The following MPP3 variants were observed in gnomAD, a reference collection of about 807,000 sequenced individuals.
MPP3 encodes MAGUK p55 scaffold protein 3, also known as MAGUK p55 subfamily member 3.
MPP3 carries 48 observed loss-of-function variants against 80.7 expected under a neutral mutation model. That is an observed-to-expected ratio of 0.59 (90% confidence interval 0.47 to 0.76). The LOEUF (loss-of-function observed/expected upper bound fraction) is 0.76, where lower values mean the gene tolerates loss of function less well. Ranked by LOEUF, MPP3 falls within the 30% of genes least tolerant of loss-of-function variation. MPP3 has a pLI of 0.00. For missense variants in MPP3, 620 were observed against 763.0 expected (o/e 0.81, Z 2.21); for synonymous variants, 311 against 297.6 (o/e 1.04, Z -0.46).
intron 19 of MPP3, among the ~76,000 whole-genome samples, chr17:43,806,688 C>G (rs549709550): frequency 6.6e-6 from 1 of 151,654 alleles, no homozygotes; most frequent in Non-Finnish European, 1.5e-5. Flanking sequence ...CGGCTCATTG[C>G]AACCTCTGCC....
intron 10 of MPP3, among the ~76,000 whole-genome samples, chr17:43,823,507 A>T (rs535775408): frequency 1.4e-4 from 21 of 152,284 alleles, no homozygotes; most frequent in Non-Finnish European, 2.8e-4. Context: ...CTGCACCAGG[A>T]AGCCTTGCAG....
At position 43,816,689 on chromosome 17, in the gene MPP3, G is replaced by C. The variant is rs1371878435; in HGVS notation, c.955C>G (p.Pro319Ala). 6.3e-7 allele frequency: 1 copy of C among 1,577,364 alleles called. No homozygotes were observed. Among genetic ancestry groups the C allele is most frequent in the Admixed American group, 1.8e-5 (1 of 54,790 alleles). The change falls in exon 13 of 20, where the codon CCT becomes GCT. Residue 319 changes from proline to alanine, a missense_variant. By Grantham distance (27) the Pro-to-Ala change is conservative. Coordinates refer to ENST00000398389, the MANE Select transcript of MPP3 (RefSeq NM_001932.6). ...QSLRKPPYDQ[P>A]CDKETCDCEG... ...ATACTGGGCCTACCTTTGTCACAAG[G>C]CTGATCATCTGCGGTTTGCACAAAA...
chr17:43,828,289 A>G (rs767180397), intron 7 of MPP3, among the ~76,000 whole-genome samples: 2 of 152,196 alleles, frequency 1.3e-5, no homozygotes, highest in Admixed American at 6.5e-5. Flanking sequence ...AGGGAAACCA[A>G]TTATGCACCC....
chr17:43,814,039 G>A lies in MPP3; in HGVS notation c.1227C>T (p.Asn409=), dbSNP rs1045980247. Residue 409 remains asparagine (N), a synonymous_variant, in exon 16 of 20, where the codon AAC becomes AAT. Transcript: ENST00000398389. ...HELKQKVVAE[N]PQHFGVAVPH... is the part of the protein sequence containing the mutation. Reference sequence around the variant, plus strand: ...GAACAGCGACGCCAAAGTGCTGTGGGTTCTCAGCCACCACCTTTTGCTTCA... The same window carrying A: ...GAACAGCGACGCCAAAGTGCTGTGGATTCTCAGCCACCACCTTTTGCTTCA... 1 of 1,613,476 alleles carries A rather than the reference G, an allele frequency of 6.2e-7. No individual in the cohort carries two copies. The highest frequency in any genetic ancestry group is 8.5e-7 in the Non-Finnish European group (1 of 1,179,588).
chr17:43,814,373 G>C lies in MPP3; in HGVS notation c.1010-12C>G. The C allele has an allele frequency of 6.3e-7, 1 of 1,588,220 alleles. No individual in the cohort carries two copies. Among genetic ancestry groups the C allele is most frequent in the Non-Finnish European group, 8.5e-7 (1 of 1,172,774 alleles). Reference sequence around the variant, plus strand: ...CCTCCGAAGACCAGCTTGGGAGGAGGGGCAGAGGGACACCATGGCATTTGT... The same window carrying C: ...CCTCCGAAGACCAGCTTGGGAGGAGCGGCAGAGGGACACCATGGCATTTGT... On this transcript the variant is annotated splice_polypyrimidine_tract_variant and intron_variant, in intron 14 of 19. Coordinates refer to ENST00000398389, the MANE Select transcript of MPP3 (RefSeq NM_001932.6).
intron 14 of MPP3, among the ~76,000 whole-genome samples, chr17:43,815,370 AAGG>A (rs751460094): frequency 6.6e-6 from 1 of 152,056 alleles, no homozygotes; most frequent in Non-Finnish European, 1.5e-5. Flanking sequence ...ACTTTTTAGA[AAGG>A]AGGATTGCTT....
chr17:43,829,926 G>T (rs773473892), intron 6 of MPP3, 101 bp downstream of exon 6: 2 of 1,528,944 alleles, frequency 1.3e-6, no homozygotes, highest in South Asian at 2.3e-5. Flanking sequence ...GCTGAGGATC[G>T]CTCCCTCAGT....
Position 43,829,771 on chromosome 17 carries a change from G to T in MPP3, c.324C>A (p.Asp108Glu), listed in dbSNP as rs2045876785. ...PHLRAVLMVH[D>E]TVAQKNFDPV... is the part of the protein sequence containing the mutation. ...GGTCAAAATTCTTCTGGGCAACCGTGTCATGTACCATGAGCACAGCCTGCC... is the reference window on the plus strand; with the variant it reads ...GGTCAAAATTCTTCTGGGCAACCGTTTCATGTACCATGAGCACAGCCTGCC... The change falls in exon 7 of 20, where the codon GAC (aspartate) becomes GAA (glutamate). Residue 108 changes from aspartate to glutamate, a missense_variant. Transcript: ENST00000398389. 1 of 1,613,736 alleles carries T rather than the reference G, an allele frequency of 6.2e-7. No homozygotes were observed. The highest frequency in any genetic ancestry group is 8.5e-7 in the Non-Finnish European group (1 of 1,180,012).
At chr17:43,812,748 T>TG (rs370241053) in intron 16 of MPP3, among the ~76,000 whole-genome samples, 1 of 151,734 alleles carries the variant, frequency 6.6e-6, no homozygotes, top group African/African-American at 2.4e-5. Flanking sequence ...CTCCAGGGGG[T>TG]GGATCCAAGG....
chr17:43,818,098 G>T lies in MPP3; in HGVS notation c.894C>A (p.Tyr298Ter). Residue 298 changes from tyrosine to a stop codon, truncating the protein, a stop_gained, in exon 12 of 20, where the codon TAC (tyrosine) becomes TAA (stop). Coordinates refer to ENST00000398389, the MANE Select transcript of MPP3 (RefSeq NM_001932.6). LOFTEE classifies it high-confidence loss of function. ...TCGGCAGGGTGCCCGCGGCTCTCCG[G>T]TAGCTTAGTCGTCTGCAGGGACACA... is the stretch of plus-strand genomic sequence containing the variant. ...SKGFQERRLSYRRAAGTLPSP... is the reference protein window; with the variant it reads ...SKGFQERRLS The T allele has an allele frequency of 6.4e-7, 1 of 1,564,844 alleles. No homozygotes were observed. The highest frequency in any genetic ancestry group is 8.7e-7 in the Non-Finnish European group (1 of 1,153,820).
intron 16 of MPP3, 23 bp downstream of exon 16, chr17:43,813,988 C>T (rs769484444): frequency 1.3e-6 from 2 of 1,577,328 alleles, no homozygotes; most frequent in East Asian, 2.2e-5. Flanking sequence ...GACAAACACA[C>T]ACTCCCACAT....
chr17:43,811,250 C>A, intron 16 of MPP3, 45 bp from the exon 17 acceptor site: 1 of 1,474,970 alleles, frequency 6.8e-7, no homozygotes, highest in Non-Finnish European at 9.5e-7. Context: ...TGTCACATCA[C>A]AGCACGCAGG....
intron 13 of MPP3, 86 bp from the exon 14 acceptor site, chr17:43,816,165 G>A (rs1248628670): frequency 5.0e-6 from 6 of 1,207,134 alleles, no homozygotes; most frequent in Non-Finnish European, 5.7e-6. Flanking sequence ...TGGCCAGGCA[G>A]GAAGAGCCCC....
At chr17:43,831,213 C>A (rs1329270179) in intron 5 of MPP3, 31 bp downstream of exon 5, 1 of 1,609,004 alleles carries the variant, frequency 6.2e-7, no homozygotes, top group South Asian at 1.1e-5. Context: ...GGGAGTGGGG[C>A]AGACACTGTA....
chr17:43,811,179 C>CA lies in MPP3; in HGVS notation c.1281dup (p.Glu428Ter). ...AAGTGATATTCCACTCCTTCCTTCTCATGGCTCTTTCGGGGCCTGGTGGTA... is the reference window on the plus strand; with the variant it reads ...AAGTGATATTCCACTCCTTCCTTCTCAATGGCTCTTTCGGGGCCTGGTGGTA... On this transcript the variant is annotated frameshift_variant, in exon 17 of 20. Coordinates refer to ENST00000398389, the MANE Select transcript of MPP3 (RefSeq NM_001932.6). LOFTEE classifies it high-confidence loss of function. 2 of 1,614,142 alleles carry CA rather than the reference C, an allele frequency of 1.2e-6. No homozygotes were observed. Among genetic ancestry groups the CA allele is most frequent in the Non-Finnish European group, 1.7e-6 (2 of 1,179,968 alleles).
intron 2 of MPP3, 182 bp from the exon 3 acceptor site, chr17:43,832,125 G>C: frequency 1.7e-6 from 1 of 603,970 alleles, no homozygotes; most frequent in African/African-American, 1.9e-5. Flanking sequence ...GAGTGTCCTC[G>C]ATGTGCCAAG....
chr17:43,816,780 G>A (rs1383446860), intron 12 of MPP3, 83 bp from the exon 13 acceptor site: 4 of 1,349,202 alleles, frequency 3.0e-6, no homozygotes, highest in Non-Finnish European at 4.2e-6. Flanking sequence ...CACGGCCCGA[G>A]TGCCTGAGGA....
chr17:43,801,679 G>C lies in MPP3; in HGVS notation c.*22C>G. 1 of 1,612,610 alleles carries C rather than the reference G, an allele frequency of 6.2e-7. No individual in the cohort carries two copies. The highest frequency in any genetic ancestry group is 8.5e-7 in the Non-Finnish European group (1 of 1,178,740). Reference sequence around the variant, plus strand: ...TAGATGATCTTCAAGGTCCCGTCCAGCTTGGATGTTCTGGGATAAAGTTAC... The same window carrying C: ...TAGATGATCTTCAAGGTCCCGTCCACCTTGGATGTTCTGGGATAAAGTTAC... On this transcript the variant is annotated 3_prime_UTR_variant, in exon 20 of 20. Transcript: ENST00000398389.
chr17:43,826,831 T>TATATATATATATATATA (rs57570654), intron 8 of MPP3, among the ~76,000 whole-genome samples: 2 of 118,522 alleles, frequency 1.7e-5, no homozygotes, highest in African/African-American at 8.1e-5. Context: ...TATATATATA[T>TATATATATATATATATA]TTTTTTTTTT....
Sources: gnomAD v4.1 joint callset for allele counts (sites outside exome capture counted in the v4.1 genomes callset) on GRCh38, gnomAD v4.1.1 for gene constraint, MANE v1.5 for transcripts, NCBI Gene and HGNC (gene_info 2026-07-23, HGNC 2026-07-21) for gene names.